CYSTM1: variants seen among roughly 807,000 people sequenced by gnomAD.
The protein encoded by CYSTM1 is cysteine rich transmembrane module containing 1, also known as cysteine-rich transmembrane module-containing protein 1.
In CYSTM1, 4 loss-of-function variants were observed where a neutral mutation model predicts 13.1. That is an observed-to-expected ratio of 0.31 (90% CI 0.15 to 0.70). CYSTM1 has a LOEUF of 0.70. Among genes scored for constraint, CYSTM1 ranks in the 30% least tolerant of loss-of-function variants. The pLI, the probability that CYSTM1 is intolerant of heterozygous loss-of-function variation, is 0.72. For synonymous variants in CYSTM1, 36 were observed against 42.7 expected (o/e 0.84, Z 0.62); for missense variants, 96 against 121.6 (o/e 0.79, Z 0.99).
At chr5:140,203,523 AT>A (rs1434459398) in intron 2 of CYSTM1, among the ~76,000 whole-genome samples, 2 of 152,246 alleles carry the variant, frequency 1.3e-5, no homozygotes, top group African/African-American at 2.4e-5. Context: ...CTTTGGAAAC[AT>A]TACCACAAGT....
intron 2 of CYSTM1, among the ~76,000 whole-genome samples, chr5:140,241,717 A>G (rs889516716): frequency 3.3e-5 from 5 of 152,174 alleles, no homozygotes; most frequent in African/African-American, 1.2e-4. Flanking sequence ...ATCCAGGCAG[A>G]TGGAAGGGAC....
rs1401405402 is a variant in CYSTM1 at position 140,230,416 on chromosome 5, G to A, written c.188-12889G>A. Among the ~76,000 whole-genome samples, 1 of 152,198 alleles carries A rather than the reference G, an allele frequency of 6.6e-6. No individual in the cohort carries two copies. The highest frequency in any genetic ancestry group is 1.9e-4 in the East Asian group (1 of 5,202). On this transcript the variant is annotated intron_variant, in intron 2 of 2. Coordinates refer to ENST00000261811, the MANE Select transcript of CYSTM1 (RefSeq NM_032412.4). This position sits in a 1 kb window ranked among gnomAD's most constrained non-coding sequence, Gnocchi z 4.1. ...GTCTCCCTGTCCTGGCTTTAAGGCA[G>A]TAATTTTATTAGAAAAGGTTAGAGG... is the stretch of plus-strand genomic sequence containing the variant.
At chr5:140,210,081 A>AT (rs1267629637) in intron 2 of CYSTM1, among the ~76,000 whole-genome samples, 2 of 152,110 alleles carry the variant, frequency 1.3e-5, no homozygotes, top group Admixed American at 1.3e-4. Context: ...GCTCATAAAA[A>AT]TTTTTTTAAT....
chr5:140,239,140 A>G lies in CYSTM1; in HGVS notation c.188-4165A>G, dbSNP rs1264313646. Reference sequence around the variant, plus strand: ...CACTTGCAAAAACAAGAAGGACCTAATAAGGCTCAATTACCACATCAAGGC... The same window carrying G: ...CACTTGCAAAAACAAGAAGGACCTAGTAAGGCTCAATTACCACATCAAGGC... On this transcript the variant is annotated intron_variant, in intron 2 of 2. Transcript: ENST00000261811. This position sits in a 1 kb window ranked among gnomAD's most constrained non-coding sequence, Gnocchi z 5.4. 2.0e-5 allele frequency among the ~76,000 whole-genome samples: 3 copies of G among 152,204 alleles called. No individual in the cohort carries two copies. The highest frequency in any genetic ancestry group is 4.4e-5 in the Non-Finnish European group (3 of 68,032).
intron 1 of CYSTM1, among the ~76,000 whole-genome samples, chr5:140,188,694 G>A (rs1456371088): frequency 6.6e-6 from 1 of 151,594 alleles, no homozygotes; most frequent in Admixed American, 6.6e-5. Flanking sequence ...CAGGAGACTG[G>A]CGTGAACCCG....
At chr5:140,217,713 T>G (rs1764445167) in intron 2 of CYSTM1, among the ~76,000 whole-genome samples, 1 of 152,194 alleles carries the variant, frequency 6.6e-6, no homozygotes, top group Non-Finnish European at 1.5e-5. Flanking sequence ...TTTTTCCTTA[T>G]CAGTGCTTTG....
intron 2 of CYSTM1, among the ~76,000 whole-genome samples, chr5:140,196,523 C>T (rs981720116): frequency 2.6e-5 from 4 of 152,124 alleles, no homozygotes; most frequent in African/African-American, 9.7e-5. Flanking sequence ...ATTTGAATAC[C>T]TTTAAAGAAT....
intron 2 of CYSTM1, among the ~76,000 whole-genome samples, chr5:140,216,350 G>C (rs1165923261): frequency 1.3e-5 from 2 of 152,146 alleles, no homozygotes; most frequent in African/African-American, 4.8e-5. Flanking sequence ...GATTAAGCCA[G>C]GTATGTTACG....
At chr5:140,196,560 C>G (rs1372656044) in intron 2 of CYSTM1, among the ~76,000 whole-genome samples, 3 of 152,178 alleles carry the variant, frequency 2.0e-5, no homozygotes, top group Admixed American at 2.0e-4. Flanking sequence ...GAAGCTTTTG[C>G]AATCCAAGAT....
At chr5:140,178,466 T>C (rs987154508) in intron 1 of CYSTM1, among the ~76,000 whole-genome samples, 18 of 111,164 alleles carry the variant, frequency 1.6e-4, no homozygotes, top group East Asian at 2.8e-4. Flanking sequence ...TTTTTTTTTT[T>C]CAGAAACAGG....
chr5:140,177,929 C>T (rs1278014167), intron 1 of CYSTM1, among the ~76,000 whole-genome samples: 1 of 152,164 alleles, frequency 6.6e-6, no homozygotes, highest in Admixed American at 6.5e-5. Flanking sequence ...AACAAAATAA[C>T]TATGTGCTGT....
At chr5:140,232,344 G>A (rs766900442) in intron 2 of CYSTM1, among the ~76,000 whole-genome samples, 2 of 152,154 alleles carry the variant, frequency 1.3e-5, no homozygotes, top group Non-Finnish European at 2.9e-5. Flanking sequence ...GCATGTTGAT[G>A]ATCATTGAAA....
chr5:140,195,439 C>CTTTTTT (rs35389567), intron 2 of CYSTM1, among the ~76,000 whole-genome samples: 2 of 101,358 alleles, frequency 2.0e-5, no homozygotes, highest in Non-Finnish European at 3.9e-5. Flanking sequence ...GCCCTTTCAG[C>CTTTTTT]TTTTTTTTTT....
rs890372546 is a variant in CYSTM1, at chr5:140,194,407, A to G, written c.-20-39A>G. 2.1e-5 allele frequency: 32 copies of G among 1,489,630 alleles called. No individual in the cohort carries two copies. The African/African-American group carries it at 4.6e-4, about 21-fold the overall frequency. 92.3% of individuals were successfully genotyped at this position (1,489,630 alleles called of 1,614,324 possible). A position where few individuals can be genotyped will look rare whatever the true frequency, so the allele number is the denominator to read the frequency against. On this transcript the variant is annotated intron_variant, in intron 1 of 2. Transcript: ENST00000261811. ...GGATTTTATTCCTGATGATTTCCACAGTTAAATGCAAATAATTTTCATTCT... is the reference window on the plus strand; with the variant it reads ...GGATTTTATTCCTGATGATTTCCACGGTTAAATGCAAATAATTTTCATTCT...
chr5:140,240,172 A>AC (rs56979453), intron 2 of CYSTM1, among the ~76,000 whole-genome samples: 30,995 of 150,552 alleles, frequency 0.21, 3,259 homozygotes, highest in South Asian at 0.24. Context: ...CCATCCCAGC[A>AC]CCCCCCCACT....
At chr5:140,238,750 G>A (rs1581075249) in intron 2 of CYSTM1, among the ~76,000 whole-genome samples, 1 of 152,258 alleles carries the variant, frequency 6.6e-6, no homozygotes, top group East Asian at 1.9e-4. Context: ...TCCTACCTCT[G>A]CATCTGAGCA....
chr5:140,182,128 A>G (rs1322399232), intron 1 of CYSTM1, among the ~76,000 whole-genome samples: 2 of 152,244 alleles, frequency 1.3e-5, no homozygotes, highest in Admixed American at 6.5e-5. Flanking sequence ...CCTTAAACTG[A>G]TAACTACTAC....
In CYSTM1 at chr5:140,231,462, GTGACAGACC is replaced by G. The variant is rs1764616451; in HGVS notation, c.188-11842_188-11834del. Among the ~76,000 whole-genome samples, 4 of 152,304 alleles carry G rather than the reference GTGACAGACC, an allele frequency of 2.6e-5. No homozygotes were observed. The South Asian group carries it at 8.3e-4, about 32-fold the overall frequency. On this transcript the variant is annotated intron_variant, in intron 2 of 2. Transcript: ENST00000261811. ...CGTAAACGTAGCTCCAGAGTGTCAG[GTGACAGACC>G]ACACAGAACAAACCCCCAATCCCTG...
At chr5:140,211,123 A>T (rs1764361662) in intron 2 of CYSTM1, among the ~76,000 whole-genome samples, 1 of 152,254 alleles carries the variant, frequency 6.6e-6, no homozygotes, top group Non-Finnish European at 1.5e-5. Context: ...AATAAATACT[A>T]GCCAAATAAT....
Sources: allele counts gnomAD v4.1 joint callset (sites outside exome capture counted in the v4.1 genomes callset), GRCh38; gene constraint gnomAD v4.1.1; non-coding constraint Gnocchi (gnomAD v3.1); transcripts MANE v1.5; gene names NCBI Gene and HGNC (gene_info 2026-07-23, HGNC 2026-07-21).